ZDHHC14: variants seen among roughly 807,000 people sequenced by gnomAD.
ZDHHC14 encodes palmitoyltransferase ZDHHC14.
Under a neutral mutation model 47.7 loss-of-function variants are expected in ZDHHC14, and 16 were observed. The ratio of observed to expected loss-of-function variants is 0.34; its 90% confidence interval spans 0.23 to 0.51. The LOEUF (loss-of-function observed/expected upper bound fraction) is 0.51. Ranked by LOEUF, ZDHHC14 falls within the 20% of genes least tolerant of loss-of-function variation. The probability of loss-of-function intolerance (pLI) is 0.97; values close to 1 mark genes in which losing one functional copy is unlikely to be tolerated. For synonymous variants in ZDHHC14, 293 were observed against 278.9 expected (o/e 1.05, Z -0.50); for missense variants, 515 against 662.5 (o/e 0.78, Z 2.44).
At chr6:157,483,012 G>T (rs1374254357) in intron 1 of ZDHHC14, among the ~76,000 whole-genome samples, 1 of 152,188 alleles carries the variant, frequency 6.6e-6, no homozygotes, top group African/African-American at 2.4e-5. Context: ...AAAGTGCTGG[G>T]ATTACAGGTG....
intron 1 of ZDHHC14, among the ~76,000 whole-genome samples, chr6:157,396,383 T>C (rs1040008829): frequency 1.3e-5 from 2 of 152,222 alleles, no homozygotes; most frequent in Non-Finnish European, 2.9e-5. Flanking sequence ...TTTTGGGGTC[T>C]TTTAATGCCA....
Position 157,675,174 on chromosome 6 carries a change from G to A in ZDHHC14, c.*2052G>A, listed in dbSNP as rs185840920. On this transcript the variant is annotated 3_prime_UTR_variant, in exon 9 of 9. Coordinates refer to ENST00000359775, the MANE Select transcript of ZDHHC14 (RefSeq NM_024630.3). Reference sequence around the variant, plus strand: ...GTGCTCCATGGGTGACCGCGAATCCGGCTTAGCCCTCACTCCGGTCCCACG... The same window carrying A: ...GTGCTCCATGGGTGACCGCGAATCCAGCTTAGCCCTCACTCCGGTCCCACG... 5.3e-5 allele frequency: 8 copies of A among 152,310 alleles called. No homozygotes were observed. The highest frequency in any genetic ancestry group is 1.3e-4 in the Admixed American group (2 of 15,294). 9.4% of individuals were successfully genotyped at this position (152,310 alleles called of 1,614,324 possible). A position where few individuals can be genotyped will look rare whatever the true frequency, so the allele number is the denominator to read the frequency against.
At chr6:157,425,307 A>G (rs1778193560) in intron 1 of ZDHHC14, among the ~76,000 whole-genome samples, 1 of 152,206 alleles carries the variant, frequency 6.6e-6, no homozygotes, top group Non-Finnish European at 1.5e-5. Context: ...CTACATATTA[A>G]CTTGCTTCTA....
chr6:157,632,930 T>C, intron 5 of ZDHHC14, 48 bp downstream of exon 5: 2 of 1,600,668 alleles, frequency 1.2e-6, no homozygotes, highest in Non-Finnish European at 1.7e-6. Context: ...GTGTTGAGTA[T>C]CTGGCTGACC....
At chr6:157,531,770 C>T (rs1032610135) in intron 1 of ZDHHC14, among the ~76,000 whole-genome samples, 6 of 152,262 alleles carry the variant, frequency 3.9e-5, no homozygotes, top group African/African-American at 1.4e-4. Flanking sequence ...ATCCACGGTA[C>T]TCGTAGACTT....
At chr6:157,628,292 A>C in intron 3 of ZDHHC14, 57 bp from the exon 4 acceptor site, 29 of 1,570,544 alleles carry the variant, frequency 1.8e-5, no homozygotes, top group Non-Finnish European at 2.3e-5. Flanking sequence ...CCTGCAAGTA[A>C]AAAGACATTT....
At chr6:157,527,209 C>T (rs1302466014) in intron 1 of ZDHHC14, among the ~76,000 whole-genome samples, 1 of 152,106 alleles carries the variant, frequency 6.6e-6, no homozygotes, top group African/African-American at 2.4e-5. Flanking sequence ...CAGATTACAC[C>T]AGCCGGGGGG....
At chr6:157,576,657 T>C (rs533059744) in intron 2 of ZDHHC14, among the ~76,000 whole-genome samples, 4 of 152,326 alleles carry the variant, frequency 2.6e-5, no homozygotes, top group South Asian at 2.1e-4. Flanking sequence ...TCAATAGATA[T>C]AGTCACAGAG....
At chr6:157,629,781 G>A (rs1040341772) in intron 4 of ZDHHC14, 1 of 152,046 alleles carries the variant, frequency 6.6e-6, no homozygotes, top group Admixed American at 6.6e-5. Flanking sequence ...ATGCAGACAG[G>A]GGCACCCTCT....
At position 157,593,142 on chromosome 6, in the gene ZDHHC14, C is replaced by T. The variant is rs775641986; in HGVS notation, c.561C>T (p.Cys187=). 3.2e-5 allele frequency: 51 copies of T among 1,611,494 alleles called. No individual in the cohort carries two copies. Among genetic ancestry groups the T allele is most frequent in the Non-Finnish European group, 3.9e-5 (46 of 1,178,576 alleles). Residue 187 remains cysteine, a synonymous_variant, in exon 3 of 9, where the codon TGC becomes TGT. Coordinates refer to ENST00000359775, the MANE Select transcript of ZDHHC14 (RefSeq NM_024630.3). ...CCCATTGCAGCCTTTGTGATAACTG[C>T]GTAGGTGAGTAGTGCCTGGGCGGAG... The part of the protein sequence containing the change: ...RASHCSLCDN[C]VERFDHHCPW...
At chr6:157,628,012 T>C (rs950834834) in intron 3 of ZDHHC14, among the ~76,000 whole-genome samples, 2 of 152,228 alleles carry the variant, frequency 1.3e-5, no homozygotes, top group African/African-American at 4.8e-5. Flanking sequence ...GGGAAGGTTG[T>C]TCAGTGAATG....
At chr6:157,391,478 C>T (rs140534811) in intron 1 of ZDHHC14, among the ~76,000 whole-genome samples, 2 of 152,308 alleles carry the variant, frequency 1.3e-5, no homozygotes, top group African/African-American at 4.8e-5. Context: ...CTCTAGTCTC[C>T]TGCCCTACCC....
At chr6:157,485,053 C>G (rs536636066) in intron 1 of ZDHHC14, among the ~76,000 whole-genome samples, 5 of 151,946 alleles carry the variant, frequency 3.3e-5, no homozygotes, top group African/African-American at 7.3e-5. Flanking sequence ...GACGAGATCG[C>G]GCCACCGCAC....
At chr6:157,649,979 C>T (rs1007449584) in intron 7 of ZDHHC14, among the ~76,000 whole-genome samples, 25 of 152,152 alleles carry the variant, frequency 1.6e-4, no homozygotes, top group African/African-American at 5.5e-4. Flanking sequence ...GGCTCTGTGC[C>T]AGGCGCTGGG....
intron 8 of ZDHHC14, 68 bp from the exon 9 acceptor site, chr6:157,672,656 T>TGCC: frequency 3.0e-6 from 1 of 337,502 alleles, no homozygotes; most frequent in Non-Finnish European, 5.1e-6. Flanking sequence ...CCTGTCCCCA[T>TGCC]CCCTGTCCCT....
chr6:157,469,051 G>C (rs759877651), intron 1 of ZDHHC14, among the ~76,000 whole-genome samples: 1 of 152,338 alleles, frequency 6.6e-6, no homozygotes, highest in Non-Finnish European at 1.5e-5. Context: ...TCTGGGACAA[G>C]ATGGCCAAAG....
intron 4 of ZDHHC14, chr6:157,629,732 G>A (rs1785590164): frequency 6.6e-6 from 1 of 152,146 alleles, no homozygotes; most frequent in Non-Finnish European, 1.5e-5. Flanking sequence ...CTTGCAAGAG[G>A]ACAATGGACA....
At chr6:157,668,521 C>CT (rs1294438892) in intron 8 of ZDHHC14, among the ~76,000 whole-genome samples, 1 of 85,536 alleles carries the variant, frequency 1.2e-5, no homozygotes, top group Non-Finnish European at 2.1e-5. Context: ...CCCATCTCCA[C>CT]TAAAAAAAAA....
chr6:157,615,575 G>A (rs1215216288), intron 3 of ZDHHC14, among the ~76,000 whole-genome samples: 2 of 152,138 alleles, frequency 1.3e-5, no homozygotes, highest in Non-Finnish European at 2.9e-5. Flanking sequence ...TAGCATATCC[G>A]ACTTGCTGAG....
Sources: gnomAD v4.1 joint callset for allele counts (sites outside exome capture counted in the v4.1 genomes callset) on GRCh38, gnomAD v4.1.1 for gene constraint, MANE v1.5 for transcripts, NCBI Gene and HGNC (gene_info 2026-07-23, HGNC 2026-07-21) for gene names.